CAMKMT: variants seen among roughly 807,000 people sequenced by gnomAD.
CAMKMT encodes calmodulin-lysine N-methyltransferase, also known as CaM KMT.
A neutral mutation model predicts 48.0 loss-of-function variants in CAMKMT; 53 were observed. The ratio of observed to expected loss-of-function variants is 1.10; its 90% CI spans 0.89 to 1.39. The LOEUF is 1.39. Among genes scored for constraint, CAMKMT ranks in the 40% most tolerant of loss-of-function variants. The pLI is 0.00. For missense variants in CAMKMT, 428 were observed against 402.7 expected (o/e 1.06, Z -0.54); for synonymous variants, 165 against 152.3 (o/e 1.08, Z -0.61).
intron 3 of CAMKMT, among the ~76,000 whole-genome samples, chr2:44,479,707 T>C (rs1021904476): frequency 5.3e-5 from 8 of 152,172 alleles, no homozygotes; most frequent in Non-Finnish European, 1.0e-4. Context: ...CACGAACTCA[T>C]GGAATCTTTA....
chr2:44,494,342 G>A (rs759453220), intron 3 of CAMKMT, among the ~76,000 whole-genome samples: 14 of 152,144 alleles, frequency 9.2e-5, no homozygotes, highest in Non-Finnish European at 1.8e-4. Context: ...GAGATTTTGT[G>A]AGTGGTATTT....
intron 3 of CAMKMT, among the ~76,000 whole-genome samples, chr2:44,625,107 C>T (rs139771292): frequency 3.3e-5 from 5 of 152,202 alleles, no homozygotes; most frequent in Non-Finnish European, 5.9e-5. Flanking sequence ...CATTTTACAT[C>T]CCCCAGCAGT....
At chr2:44,766,044 C>T (rs1046735672) in intron 9 of CAMKMT, among the ~76,000 whole-genome samples, 6 of 152,160 alleles carry the variant, frequency 3.9e-5, no homozygotes, top group East Asian at 1.9e-4. Context: ...GTTGGGGAAG[C>T]GTTGGCAGGT....
intron 3 of CAMKMT, among the ~76,000 whole-genome samples, chr2:44,645,657 C>A (rs1673691919): frequency 6.6e-6 from 1 of 152,102 alleles, no homozygotes; most frequent in African/African-American, 2.4e-5. Flanking sequence ...CCCGTCTCTA[C>A]TAAAAATACA....
At chr2:44,581,338 C>T (rs1026162265) in intron 3 of CAMKMT, among the ~76,000 whole-genome samples, 1 of 152,156 alleles carries the variant, frequency 6.6e-6, no homozygotes, top group Non-Finnish European at 1.5e-5. Context: ...CTGAAGCCGA[C>T]ATTAAGCTAA....
chr2:44,674,561 T>C (rs1324197847), intron 3 of CAMKMT, among the ~76,000 whole-genome samples: 2 of 152,200 alleles, frequency 1.3e-5, no homozygotes, highest in Non-Finnish European at 2.9e-5. Flanking sequence ...ACTGCTTGTC[T>C]CTCAGACTGC....
intron 3 of CAMKMT, among the ~76,000 whole-genome samples, chr2:44,660,511 A>G (rs1674623865): frequency 6.6e-6 from 1 of 152,240 alleles, no homozygotes; most frequent in East Asian, 1.9e-4. Context: ...AGTTTTAAAA[A>G]ATATGCCTCT....
intron 3 of CAMKMT, among the ~76,000 whole-genome samples, chr2:44,391,136 CTT>C (rs1324861485): frequency 1.3e-5 from 2 of 152,140 alleles, no homozygotes; most frequent in African/African-American, 4.8e-5. Context: ...TAGGTAGTGT[CTT>C]TGGCTTAACA....
chr2:44,373,383 G>C (rs912712944), intron 2 of CAMKMT, among the ~76,000 whole-genome samples: 4 of 152,198 alleles, frequency 2.6e-5, no homozygotes, highest in Non-Finnish European at 5.9e-5. Flanking sequence ...CATATGGACT[G>C]TTCTGACTTT....
chr2:44,674,229 A>C (rs1195021429), intron 3 of CAMKMT, among the ~76,000 whole-genome samples: 4 of 152,216 alleles, frequency 2.6e-5, no homozygotes, highest in African/African-American at 9.6e-5. Context: ...TGATGTAAGA[A>C]GGAAAGGTTG....
At chr2:44,402,569 G>T (rs1459587383) in intron 3 of CAMKMT, among the ~76,000 whole-genome samples, 1 of 151,420 alleles carries the variant, frequency 6.6e-6, no homozygotes. Flanking sequence ...ACATTTCTTG[G>T]GCACTTTTCA....
At chr2:44,666,886 G>C (rs545749835) in intron 3 of CAMKMT, among the ~76,000 whole-genome samples, 1 of 152,236 alleles carries the variant, frequency 6.6e-6, no homozygotes, top group Non-Finnish European at 1.5e-5. Context: ...GGGATTACAG[G>C]TGTGAGCTAC....
chr2:44,388,536 C>T (rs760217866), intron 2 of CAMKMT, among the ~76,000 whole-genome samples: 5 of 152,100 alleles, frequency 3.3e-5, no homozygotes, highest in African/African-American at 7.2e-5. Flanking sequence ...GGTCCGGATC[C>T]GTTGCTGGTT....
intron 3 of CAMKMT, among the ~76,000 whole-genome samples, chr2:44,684,378 C>T (rs1408603314): frequency 3.9e-5 from 6 of 151,930 alleles, no homozygotes; most frequent in African/African-American, 7.3e-5. Flanking sequence ...AGCAAGAGTT[C>T]GGTTTAAATA....
chr2:44,466,153 C>T (rs1320062265), intron 3 of CAMKMT, among the ~76,000 whole-genome samples: 3 of 152,160 alleles, frequency 2.0e-5, no homozygotes, highest in Non-Finnish European at 2.9e-5. Context: ...AAACAAAGGA[C>T]TTCAATAACA....
intron 3 of CAMKMT, among the ~76,000 whole-genome samples, chr2:44,686,147 A>C (rs1339140994): frequency 6.6e-6 from 1 of 152,150 alleles, no homozygotes; most frequent in African/African-American, 2.4e-5. Context: ...TAATCCCAGC[A>C]CTTTGGGAGG....
intron 3 of CAMKMT, among the ~76,000 whole-genome samples, chr2:44,699,728 G>A (rs1174973709): frequency 1.3e-5 from 2 of 151,838 alleles, no homozygotes; most frequent in African/African-American, 4.8e-5. Context: ...CTCCTTCCTC[G>A]CCCTCCTGAG....
At position 44,361,964 on chromosome 2, in the gene CAMKMT, G is replaced by T. The variant is rs187012053; in HGVS notation, c.-44G>T. ...AAGTTGGCAGGTCCTGGCAGGGGAC[G>T]AGCTGCGGCGGTGGCACCTCCGGGT... On this transcript the variant is annotated 5_prime_UTR_variant, in exon 1 of 11. Transcript: ENST00000378494. The T allele has an allele frequency of 4.0e-5, 55 of 1,361,676 alleles. No individual in the cohort carries two copies. In the African/African-American group the frequency reaches 7.2e-4, roughly 18 times the overall value. The allele number at this position is 1,361,676 out of a possible 1,614,324, so 84.3% of individuals were successfully genotyped here.
At chr2:44,495,253 G>T (rs923925733) in intron 3 of CAMKMT, among the ~76,000 whole-genome samples, 1 of 152,056 alleles carries the variant, frequency 6.6e-6, no homozygotes, top group Admixed American at 6.6e-5. Flanking sequence ...CAATCCTCCT[G>T]CCTACGCCTC....
Sources: gnomAD v4.1 joint callset for allele counts (sites outside exome capture counted in the v4.1 genomes callset) on GRCh38, gnomAD v4.1.1 for gene constraint, MANE v1.5 for transcripts, NCBI Gene and HGNC (gene_info 2026-07-23, HGNC 2026-07-21) for gene names.